The following ERI1 variants were observed in gnomAD, a reference collection of about 807,000 sequenced individuals.
ERI1 encodes 3'-5' exoribonuclease 1.
In ERI1, 39 loss-of-function variants were observed where a neutral mutation model predicts 39.7. The observed-to-expected ratio is 0.98, with a 90% CI of 0.76 to 1.28. The LOEUF is 1.28. Ranked by LOEUF, ERI1 falls within the 50% of genes most tolerant of loss-of-function variation. The pLI is 0.00. For missense variants in ERI1, 581 were observed against 416.9 expected (o/e 1.39, Z -3.43); for synonymous variants, 204 against 149.6 (o/e 1.36, Z -2.65).
intron 6 of ERI1, among the ~76,000 whole-genome samples, chr8:9,028,543 A>G (rs778136795): frequency 6.6e-6 from 1 of 152,274 alleles, no homozygotes; most frequent in African/African-American, 2.4e-5. Context: ...GAGGTCCAAG[A>G]TGCATAGGCA....
At chr8:9,015,730 A>AAAAAAAAAAAAG (rs1366318599) in intron 3 of ERI1, among the ~76,000 whole-genome samples, 5 of 150,902 alleles carry the variant, frequency 3.3e-5, no homozygotes, top group Middle Eastern at 3.4e-3. Flanking sequence ...TCCAAAAAAA[A>AAAAAAAAAAAAG]AAAAAAAAAA....
rs1797459576 is a variant in ERI1, at chr8:9,029,842, G to A, written c.858G>A (p.Met286Ile). 6.2e-7 allele frequency: 1 copy of A among 1,614,148 alleles called. No homozygotes were observed. Among genetic ancestry groups the A allele is most frequent in the Non-Finnish European group, 8.5e-7 (1 of 1,180,012 alleles). The change falls in exon 7 of 7, where the codon ATG becomes ATA. Residue 286 changes from methionine (M) to isoleucine (I), a missense_variant. Transcript: ENST00000250263. The part of the protein sequence containing the change: ...KLTIMLEKLG[M>I]DYDGRPHCGL... Reference sequence around the variant, plus strand: ...CAATAATGCTTGAAAAATTAGGAATGGATTATGATGGGCGGCCTCACTGTG... The same window carrying A: ...CAATAATGCTTGAAAAATTAGGAATAGATTATGATGGGCGGCCTCACTGTG...
intron 3 of ERI1, among the ~76,000 whole-genome samples, chr8:9,039,494 AATG>A (rs1397352684): frequency 6.6e-6 from 1 of 152,204 alleles, no homozygotes; most frequent in East Asian, 1.9e-4. Context: ...ACCTTTTGTA[AATG>A]ATTAGTGAAA....
chr8:9,074,498 G>C (rs555681672), intron 3 of ERI1, among the ~76,000 whole-genome samples: 1 of 152,272 alleles, frequency 6.6e-6, no homozygotes, highest in South Asian at 2.1e-4. Context: ...CTGGAGTGCA[G>C]TGGCAAGAAC....
intron 3 of ERI1, among the ~76,000 whole-genome samples, chr8:9,046,280 C>T (rs992044255): frequency 3.9e-5 from 6 of 152,080 alleles, no homozygotes; most frequent in Non-Finnish European, 8.8e-5. Flanking sequence ...ATGAGTCTGC[C>T]CTCCGAGTGA....
chr8:9,087,921 A>C (rs1461804333), intron 3 of ERI1, among the ~76,000 whole-genome samples: 3 of 152,210 alleles, frequency 2.0e-5, no homozygotes, highest in African/African-American at 7.2e-5. Context: ...CCAGGATACA[A>C]GACTTTCAGT....
chr8:9,004,884 C>T (rs968423466), intron 1 of ERI1, among the ~76,000 whole-genome samples: 4 of 151,956 alleles, frequency 2.6e-5, no homozygotes, highest in Non-Finnish European at 5.9e-5. Flanking sequence ...GATGGGGTTT[C>T]ACCATGTTGG....
intron 3 of ERI1, among the ~76,000 whole-genome samples, chr8:9,048,924 G>C (rs1798264034): frequency 6.6e-6 from 1 of 152,076 alleles, no homozygotes; most frequent in African/African-American, 2.4e-5. Context: ...GGGATTACAG[G>C]CGTGAGCCAC....
At chr8:9,082,777 C>T (rs2117454898) in intron 3 of ERI1, among the ~76,000 whole-genome samples, 1 of 152,212 alleles carries the variant, frequency 6.6e-6, no homozygotes, top group Admixed American at 6.5e-5. Flanking sequence ...GAAAGTCTTT[C>T]TAGAAACATA....
intron 1 of ERI1, among the ~76,000 whole-genome samples, chr8:9,005,852 G>T (rs1815961057): frequency 6.6e-6 from 1 of 152,122 alleles, no homozygotes; most frequent in South Asian, 2.1e-4. Flanking sequence ...TGGTATAGAA[G>T]ATTTTCATGG....
At chr8:9,056,233 G>A (rs182119092) in intron 3 of ERI1, among the ~76,000 whole-genome samples, 12 of 152,350 alleles carry the variant, frequency 7.9e-5, no homozygotes, top group South Asian at 4.1e-4. Flanking sequence ...TGCGGATTTG[G>A]GATCAGCTGG....
chr8:9,091,956 T>C (rs1425074159), intron 3 of ERI1, among the ~76,000 whole-genome samples: 1 of 152,168 alleles, frequency 6.6e-6, no homozygotes, highest in African/African-American at 2.4e-5. Flanking sequence ...TGTGCATGTG[T>C]TTTTGTTGTT....
chr8:9,046,412 C>T (rs968184070), intron 3 of ERI1, among the ~76,000 whole-genome samples: 1 of 152,184 alleles, frequency 6.6e-6, no homozygotes, highest in East Asian at 1.9e-4. Context: ...CTCTGCAGTT[C>T]CTGAGGCCAC....
intron 4 of ERI1, among the ~76,000 whole-genome samples, chr8:9,017,332 C>G (rs1286888523): frequency 1.3e-5 from 2 of 152,168 alleles, no homozygotes; most frequent in African/African-American, 4.8e-5. Flanking sequence ...GCCACCACAC[C>G]TAGCCTGTTT....
chr8:9,070,898 A>G (rs138295536), intron 3 of ERI1, among the ~76,000 whole-genome samples: 13 of 152,152 alleles, frequency 8.5e-5, no homozygotes, highest in Non-Finnish European at 1.5e-4. Context: ...GCAGGGAATC[A>G]TGGTGGTGGC....
chr8:9,098,530 T>C (rs189241469), intron 3 of ERI1, among the ~76,000 whole-genome samples: 22 of 151,830 alleles, frequency 1.4e-4, no homozygotes, highest in Non-Finnish European at 1.5e-5. Flanking sequence ...TCAACAACAA[T>C]AACAAAAAGA....
intron 3 of ERI1, among the ~76,000 whole-genome samples, chr8:9,050,187 A>G (rs1585261516): frequency 6.7e-6 from 1 of 150,176 alleles, no homozygotes; most frequent in South Asian, 2.1e-4. Flanking sequence ...AAAAAAAAAG[A>G]TAGCTATTTT....
downstream of ERI1, among the ~76,000 whole-genome samples, chr8:9,034,590 A>G (rs148235188): frequency 6.3e-4 from 96 of 152,188 alleles, no homozygotes; most frequent in African/African-American, 2.1e-3. Context: ...ATATAAGACA[A>G]CGAACTTAAT....
rs1466979878 is a variant in ERI1 at position 9,003,320 on chromosome 8, T to C, written c.108+149T>C. 6.7e-6 allele frequency: 3 copies of C among 447,558 alleles called. No homozygotes were observed. In the Admixed American group the frequency reaches 1.3e-4, roughly 20 times the overall value. 27.7% of individuals were successfully genotyped at this position (447,558 alleles called of 1,614,324 possible). A position where few individuals can be genotyped will look rare whatever the true frequency, so the allele number is the denominator to read the frequency against. ...CTTCCTCGGTGCCCAGCTCCCTGGCTTTATCCTCGGGTGGGTGTCTTGGAG... is the reference window on the plus strand; with the variant it reads ...CTTCCTCGGTGCCCAGCTCCCTGGCCTTATCCTCGGGTGGGTGTCTTGGAG... On this transcript the variant is annotated intron_variant, in intron 1 of 6. Coordinates refer to ENST00000250263, the MANE Select transcript of ERI1 (RefSeq NM_153332.4).
Sources: allele counts gnomAD v4.1 joint callset (sites outside exome capture counted in the v4.1 genomes callset), GRCh38; gene constraint gnomAD v4.1.1; transcripts MANE v1.5; gene names NCBI Gene and HGNC (gene_info 2026-07-23, HGNC 2026-07-21).